Variants in BTLA observed in about 807,000 individuals in gnomAD.
BTLA encodes the protein B and T lymphocyte associated.
BTLA carries 11 observed loss-of-function variants against 25.0 expected under a neutral mutation model. The ratio of observed to expected loss-of-function variants is 0.44; its 90% CI spans 0.28 to 0.73. The LOEUF is 0.73. Ranked by LOEUF, BTLA falls within the 30% of genes least tolerant of loss-of-function variation. BTLA has a pLI of 0.15. For missense variants in BTLA, 282 were observed against 332.8 expected (o/e 0.85, Z 1.19); for synonymous variants, 104 against 119.8 (o/e 0.87, Z 0.86).
chr3:112,470,795 G>A (rs931286447), intron 3 of BTLA, among the ~76,000 whole-genome samples: 1 of 152,174 alleles, frequency 6.6e-6, no homozygotes, highest in Non-Finnish European at 1.5e-5. Flanking sequence ...GGGTGTGTGT[G>A]GGATTGGCAT....
At chr3:112,486,433 C>A (rs1172540502) in intron 1 of BTLA, among the ~76,000 whole-genome samples, 1 of 151,902 alleles carries the variant, frequency 6.6e-6, no homozygotes, top group Admixed American at 6.6e-5. Flanking sequence ...TGCTGAACTT[C>A]ATGTATAAAA....
At chr3:112,494,174 G>C (rs9756562) in intron 1 of BTLA, among the ~76,000 whole-genome samples, 36,764 of 152,084 alleles carry the variant, frequency 0.24, 8,041 homozygotes, top group African/African-American at 0.57. Flanking sequence ...CATCACTGAT[G>C]GTCAGAGAAA....
chr3:112,468,927 C>T (rs1442216432), intron 4 of BTLA, among the ~76,000 whole-genome samples: 3 of 152,016 alleles, frequency 2.0e-5, no homozygotes, highest in South Asian at 2.1e-4. Flanking sequence ...TTGGCTGTAT[C>T]GATTTTGTCT....
At chr3:112,492,947 C>A (rs896068581) in intron 1 of BTLA, among the ~76,000 whole-genome samples, 3 of 152,188 alleles carry the variant, frequency 2.0e-5, no homozygotes, top group Non-Finnish European at 4.4e-5. Context: ...ACTGATCTAA[C>A]ACTCTTCTGG....
At chr3:112,485,335 G>A (rs925762573) in intron 1 of BTLA, among the ~76,000 whole-genome samples, 4 of 152,070 alleles carry the variant, frequency 2.6e-5, no homozygotes, top group Non-Finnish European at 4.4e-5. Flanking sequence ...GTGAGCCACC[G>A]GCCTGGCCGA....
chr3:112,493,158 G>T, intron 1 of BTLA, among the ~76,000 whole-genome samples: 1 of 152,150 alleles, frequency 6.6e-6, no homozygotes. Context: ...GAAGCAAATC[G>T]CATATGATAC....
At chr3:112,498,717 A>C (rs2082424369) in intron 1 of BTLA, among the ~76,000 whole-genome samples, 1 of 152,056 alleles carries the variant, frequency 6.6e-6, no homozygotes, top group South Asian at 2.1e-4. Context: ...AATGACGAAA[A>C]GTTCTGCTCC....
At chr3:112,472,492 T>C (rs1427247659) in intron 2 of BTLA, among the ~76,000 whole-genome samples, 1 of 151,724 alleles carries the variant, frequency 6.6e-6, no homozygotes, top group Non-Finnish European at 1.5e-5. Context: ...AGATCAGGAG[T>C]TCGAGACCAG....
At chr3:112,494,262 T>TGCTG (rs1378377465) in intron 1 of BTLA, among the ~76,000 whole-genome samples, 2 of 152,160 alleles carry the variant, frequency 1.3e-5, no homozygotes, top group African/African-American at 4.8e-5. Flanking sequence ...AAACAATAGG[T>TGCTG]GCTGGCAAGT....
intron 1 of BTLA, among the ~76,000 whole-genome samples, chr3:112,487,361 G>T (rs986501130): frequency 1.3e-5 from 2 of 152,160 alleles, no homozygotes; most frequent in African/African-American, 2.4e-5. Context: ...AGGGCGGGCG[G>T]ATCACCAGAG....
chr3:112,475,474 T>G (rs1271360429), intron 2 of BTLA, among the ~76,000 whole-genome samples: 1 of 152,166 alleles, frequency 6.6e-6, no homozygotes, highest in Non-Finnish European at 1.5e-5. Context: ...ATAGATAGAT[T>G]GTTGATCCTA....
rs546287277 is a variant in BTLA, at chr3:112,473,810, T to C, written c.404-2455A>G. 2.2e-4 allele frequency among the ~76,000 whole-genome samples: 34 copies of C among 151,968 alleles called. No homozygotes were observed. The South Asian group carries it at 4.2e-3, about 19-fold the overall frequency. On this transcript the variant is annotated intron_variant, in intron 2 of 4. Coordinates refer to ENST00000334529, the MANE Select transcript of BTLA (RefSeq NM_181780.4). Reference sequence around the variant, plus strand: ...TTTGTATTTTTAGTAGAGATAGGGTTTCACCATGTTGACCAGGCTGATCTC... The same window carrying C: ...TTTGTATTTTTAGTAGAGATAGGGTCTCACCATGTTGACCAGGCTGATCTC...
At chr3:112,469,645 ATATAGT>A (rs1326345461) in intron 4 of BTLA, 107 bp downstream of exon 4, 3 of 336,044 alleles carry the variant, frequency 8.9e-6, no homozygotes, top group African/African-American at 7.8e-5. Flanking sequence ...ATATATATAT[ATATAGT>A]ACATAGAATA....
intron 1 of BTLA, among the ~76,000 whole-genome samples, chr3:112,484,686 T>C (rs140962021): frequency 9.2e-5 from 14 of 152,370 alleles, no homozygotes; most frequent in African/African-American, 3.4e-4. Flanking sequence ...CTGTCTTTTG[T>C]GACTGTATGC....
chr3:112,470,177 T>G (rs1171481462), intron 3 of BTLA: 1 of 158,786 alleles, frequency 6.3e-6, no homozygotes, highest in Admixed American at 6.5e-5. Context: ...ATGTGGTAAA[T>G]CAAAAGATTT....
At chr3:112,467,130 T>A (rs1329646156) in intron 4 of BTLA, among the ~76,000 whole-genome samples, 3 of 152,040 alleles carry the variant, frequency 2.0e-5, no homozygotes, top group Non-Finnish European at 4.4e-5. Flanking sequence ...GCTAATTTTT[T>A]TTTGTATTTT....
intron 4 of BTLA, among the ~76,000 whole-genome samples, chr3:112,468,945 A>G (rs2082245080): frequency 6.6e-6 from 1 of 152,120 alleles, no homozygotes; most frequent in African/African-American, 2.4e-5. Context: ...TCTTTTGTGG[A>G]ATTTTTAAGA....
intron 1 of BTLA, among the ~76,000 whole-genome samples, chr3:112,498,674 G>A (rs1032718575): frequency 2.2e-5 from 3 of 138,944 alleles, no homozygotes; most frequent in Admixed American, 8.1e-5. Flanking sequence ...TGACAACCAA[G>A]TAGGAACCAT....
chr3:112,471,275 C>G lies in BTLA; in HGVS notation c.484G>C (p.Gly162Arg). The change falls in exon 3 of 5, where the codon GGG becomes CGG. Residue 162 changes from glycine (G) to arginine (R), a missense_variant. Coordinates refer to ENST00000334529, the MANE Select transcript of BTLA (RefSeq NM_181780.4). ...PWLLYRLLPL[G>R]GLPLLITTCF... ...GTAGTGATGAGTAGAGGCAATCCCC[C>G]CAAAGGAAGTAAACGATACAGGAGC... The G allele has an allele frequency of 6.2e-7, 1 of 1,614,098 alleles. No individual in the cohort carries two copies. Among genetic ancestry groups the G allele is most frequent in the Non-Finnish European group, 8.5e-7 (1 of 1,179,986 alleles).
Sources: allele counts gnomAD v4.1 joint callset (sites outside exome capture counted in the v4.1 genomes callset), GRCh38; gene constraint gnomAD v4.1.1; transcripts MANE v1.5; gene names NCBI Gene and HGNC (gene_info 2026-07-23, HGNC 2026-07-21).